RBFOX1: variants seen among roughly 807,000 people sequenced by gnomAD.
RBFOX1 encodes RNA binding fox-1 homolog 1.
A neutral mutation model predicts 57.7 loss-of-function variants in RBFOX1; 8 were observed. That is an observed-to-expected ratio of 0.14 (90% confidence interval 0.08 to 0.25). The LOEUF is 0.25. Ranked by LOEUF, RBFOX1 falls within the 10% of genes least tolerant of loss-of-function variation. The probability of loss-of-function intolerance (pLI) is 1.00; values close to 1 mark genes in which losing one functional copy is unlikely to be tolerated. For synonymous variants in RBFOX1, 326 were observed against 222.4 expected (o/e 1.47, Z -4.15); for missense variants, 611 against 548.5 (o/e 1.11, Z -1.14).
chr16:7,215,512 T>C (rs904972370), intron 4 of RBFOX1, among the ~76,000 whole-genome samples: 6 of 152,130 alleles, frequency 3.9e-5, no homozygotes, highest in African/African-American at 1.4e-4. Flanking sequence ...TGAGATACGA[T>C]TTACACAGTG....
chr16:7,057,543 G>A (rs541803098), intron 4 of RBFOX1, among the ~76,000 whole-genome samples: 3 of 152,260 alleles, frequency 2.0e-5, no homozygotes, highest in Non-Finnish European at 2.9e-5. Flanking sequence ...GTGCATCCTC[G>A]TTACAAATTC....
At chr16:6,215,202 AGGAGAG>A (rs2097328019) in intron 1 of RBFOX1, among the ~76,000 whole-genome samples, 1 of 79,968 alleles carries the variant, frequency 1.3e-5, no homozygotes, top group East Asian at 4.8e-4. Flanking sequence ...GAGGAGGATA[AGGAGAG>A]GGAGAGGGGG....
chr16:7,658,414 T>G (rs2066862753), intron 12 of RBFOX1, among the ~76,000 whole-genome samples: 1 of 152,106 alleles, frequency 6.6e-6, no homozygotes, highest in South Asian at 2.1e-4. Flanking sequence ...AGAGTTTTCC[T>G]TATTTCTCCT....
intron 2 of RBFOX1, among the ~76,000 whole-genome samples, chr16:6,434,901 G>A (rs2094192615): frequency 6.6e-6 from 1 of 152,190 alleles, no homozygotes; most frequent in Admixed American, 6.5e-5. Context: ...GAGGTTAAAT[G>A]ATAAATGACA....
chr16:7,215,364 C>T (rs1363190335), intron 4 of RBFOX1, among the ~76,000 whole-genome samples: 2 of 152,170 alleles, frequency 1.3e-5, no homozygotes, highest in Non-Finnish European at 2.9e-5. Flanking sequence ...AAGACACCTG[C>T]ACATGTATGT....
intron 3 of RBFOX1, among the ~76,000 whole-genome samples, chr16:5,767,087 A>G (rs1312266781): frequency 6.6e-6 from 1 of 152,254 alleles, no homozygotes; most frequent in Non-Finnish European, 1.5e-5. Flanking sequence ...CCTTTAAGAC[A>G]GAAACCGTGT....
chr16:5,497,063 AT>A (rs2043024902), intron 2 of RBFOX1, among the ~76,000 whole-genome samples: 1 of 152,118 alleles, frequency 6.6e-6, no homozygotes, highest in African/African-American at 2.4e-5. Context: ...ATCGTTTTTT[AT>A]CCAGACAATG....
chr16:6,774,780 G>C (rs2079032825), intron 3 of RBFOX1, among the ~76,000 whole-genome samples: 1 of 151,980 alleles, frequency 6.6e-6, no homozygotes, highest in Admixed American at 6.6e-5. Flanking sequence ...GCAATGGTGG[G>C]AGTGTTTTAT....
At chr16:6,123,760 C>T (rs1169520992) in intron 1 of RBFOX1, among the ~76,000 whole-genome samples, 2 of 152,094 alleles carry the variant, frequency 1.3e-5, no homozygotes, top group East Asian at 1.9e-4. Context: ...CAAAAATTAG[C>T]CCGGCATGTT....
chr16:6,768,921 G>A (rs1217545077), intron 3 of RBFOX1, among the ~76,000 whole-genome samples: 2 of 151,952 alleles, frequency 1.3e-5, no homozygotes, highest in Non-Finnish European at 2.9e-5. Context: ...GAGAGATGGG[G>A]TTTCACCATG....
chr16:7,120,393 C>G (rs1185708859), intron 4 of RBFOX1, among the ~76,000 whole-genome samples: 3 of 151,900 alleles, frequency 2.0e-5, no homozygotes, highest in East Asian at 3.9e-4. Flanking sequence ...AAATCTGGCT[C>G]TTTCAAAGCA....
At chr16:6,750,043 G>A (rs1364536998) in intron 3 of RBFOX1, among the ~76,000 whole-genome samples, 1 of 152,116 alleles carries the variant, frequency 6.6e-6, no homozygotes, top group Non-Finnish European at 1.5e-5. Context: ...TGAAATTGAT[G>A]TAGCTATCAA....
intron 3 of RBFOX1, among the ~76,000 whole-genome samples, chr16:6,820,669 A>C (rs947272907): frequency 2.4e-5 from 3 of 126,122 alleles, no homozygotes; most frequent in African/African-American, 8.0e-5. Flanking sequence ...CAAAAAAAAA[A>C]CAAGCAAAAC....
intron 3 of RBFOX1, among the ~76,000 whole-genome samples, chr16:6,711,747 C>T (rs1455844646): frequency 1.3e-5 from 2 of 152,166 alleles, no homozygotes; most frequent in Non-Finnish European, 1.5e-5. Context: ...CCTCACTGAG[C>T]CCATCCTGTC....
chr16:6,088,882 G>A (rs2096127809), intron 1 of RBFOX1, among the ~76,000 whole-genome samples: 1 of 152,052 alleles, frequency 6.6e-6, no homozygotes, highest in East Asian at 1.9e-4. Flanking sequence ...ATATCAGGAG[G>A]TCAGGAGATC....
intron 4 of RBFOX1, among the ~76,000 whole-genome samples, chr16:7,458,272 G>A (rs2058916639): frequency 6.6e-6 from 1 of 152,086 alleles, no homozygotes; most frequent in African/African-American, 2.4e-5. Context: ...ATGACCATGT[G>A]AATGCAGGAA....
chr16:5,537,979 A>C (rs147116832), intron 2 of RBFOX1, among the ~76,000 whole-genome samples: 41 of 152,216 alleles, frequency 2.7e-4, no homozygotes, highest in Middle Eastern at 3.4e-3. Flanking sequence ...AGGAGGTGTG[A>C]CTCCCAGATA....
At chr16:6,556,000 T>C (rs1348712263) in intron 2 of RBFOX1, among the ~76,000 whole-genome samples, 1 of 152,160 alleles carries the variant, frequency 6.6e-6, no homozygotes, top group Non-Finnish European at 1.5e-5. Flanking sequence ...GACTACATTT[T>C]TTTGTCCTTG....
intron 3 of RBFOX1, among the ~76,000 whole-genome samples, chr16:6,944,187 G>A (rs1057111202): frequency 6.6e-6 from 1 of 151,766 alleles, no homozygotes; most frequent in East Asian, 1.9e-4. Flanking sequence ...ATGAGGTCAG[G>A]AGTTCAAGAT....
Sources: gnomAD v4.1 joint callset for allele counts (sites outside exome capture counted in the v4.1 genomes callset) on GRCh38, gnomAD v4.1.1 for gene constraint, MANE v1.5 for transcripts, NCBI Gene and HGNC (gene_info 2026-07-23, HGNC 2026-07-21) for gene names.